GAB2: variants seen among roughly 807,000 people sequenced by gnomAD.
The protein encoded by GAB2 is GRB2 associated binding protein 2, also known as GRB2-associated-binding protein 2.
A neutral mutation model predicts 65.5 loss-of-function variants in GAB2; 26 were observed. That is an observed-to-expected ratio of 0.40 (90% CI 0.29 to 0.55). The LOEUF is 0.55. GAB2 is among the 20% of genes least tolerant of loss of function. GAB2 has a pLI of 0.53. For synonymous variants in GAB2, 321 were observed against 329.6 expected (o/e 0.97, Z 0.28); for missense variants, 884 against 875.8 (o/e 1.01, Z -0.12).
At chr11:78,385,264 A>G (rs1227876132) in intron 1 of GAB2, among the ~76,000 whole-genome samples, 2 of 152,248 alleles carry the variant, frequency 1.3e-5, no homozygotes, top group African/African-American at 2.4e-5. Flanking sequence ...AAACTTATGG[A>G]TCTTCACGGG....
chr11:78,326,625 A>C (rs1185004517), intron 1 of GAB2, among the ~76,000 whole-genome samples: 1 of 152,148 alleles, frequency 6.6e-6, no homozygotes. Context: ...GCTTCCATGA[A>C]TTTGTGTGTG....
At chr11:78,278,747 G>A (rs949046460) in intron 2 of GAB2, among the ~76,000 whole-genome samples, 2 of 150,970 alleles carry the variant, frequency 1.3e-5, no homozygotes, top group Non-Finnish European at 2.9e-5. Flanking sequence ...AGGACACAGG[G>A]TCTCGTTCTG....
At chr11:78,310,230 C>T (rs985238034) in intron 1 of GAB2, among the ~76,000 whole-genome samples, 1 of 151,486 alleles carries the variant, frequency 6.6e-6, no homozygotes, top group Non-Finnish European at 1.5e-5. Context: ...GAGCCGGGTG[C>T]GGTGGCTCAC....
intron 2 of GAB2, among the ~76,000 whole-genome samples, chr11:78,258,310 G>C (rs552789971): frequency 6.6e-6 from 1 of 152,278 alleles, no homozygotes; most frequent in East Asian, 1.9e-4. Flanking sequence ...CTGAAGAAAA[G>C]GCAAAGCAGG....
chr11:78,309,466 T>C lies in GAB2; in HGVS notation c.76-28565A>G, dbSNP rs1225106024. Among the ~76,000 whole-genome samples the C allele has an allele frequency of 4.0e-4, 4 of 10,094 alleles. No individual in the cohort carries two copies. In the South Asian group the frequency reaches 9.7e-3, roughly 24 times the overall value. The allele number at this position is 10,094 out of a possible 152,430, so 6.6% of individuals were successfully genotyped here. ...TGTGGTTAAACCCTGCCCCCTGCCT[T>C]TTTTTTTTTTTTTTTTAAATTGAGA... is the stretch of plus-strand genomic sequence containing the variant. On this transcript the variant is annotated intron_variant, in intron 1 of 9. Transcript: ENST00000361507.
At chr11:78,272,816 G>A (rs541973115) in intron 2 of GAB2, among the ~76,000 whole-genome samples, 2 of 152,282 alleles carry the variant, frequency 1.3e-5, no homozygotes, top group East Asian at 3.9e-4. Context: ...GGCCTAGGAG[G>A]AAAAAATGGT....
chr11:78,283,424 ATC>A (rs1866382542), intron 1 of GAB2, among the ~76,000 whole-genome samples: 1 of 152,196 alleles, frequency 6.6e-6, no homozygotes, highest in Admixed American at 6.5e-5. Context: ...AACGTTTCCT[ATC>A]TCAGAAGAAA....
chr11:78,417,631 C>T lies in GAB2; in HGVS notation c.75+15G>A. The T allele has an allele frequency of 1.5e-6, 2 of 1,336,354 alleles. No individual in the cohort carries two copies. Among genetic ancestry groups the T allele is most frequent in the South Asian group, 1.4e-5 (1 of 70,530 alleles). The allele number at this position is 1,336,354 out of a possible 1,614,324, so 82.8% of individuals were successfully genotyped here. A position where few individuals can be genotyped will look rare whatever the true frequency, so the allele number is the denominator to read the frequency against. On this transcript the variant is annotated intron_variant, in intron 1 of 9. Coordinates refer to ENST00000361507, the MANE Select transcript of GAB2 (RefSeq NM_080491.3). Reference sequence around the variant, plus strand: ...CGCCCCCCGCCCGCCCCTGGGCGGCCGCGCCCGCACTCACATAGCGCCTCA... The same window carrying T: ...CGCCCCCCGCCCGCCCCTGGGCGGCTGCGCCCGCACTCACATAGCGCCTCA...
intron 1 of GAB2, among the ~76,000 whole-genome samples, chr11:78,402,133 C>T (rs117358966): frequency 1.3e-5 from 2 of 152,282 alleles, no homozygotes; most frequent in African/African-American, 2.4e-5. Context: ...CTATTCCAAT[C>T]ATCCTGCTGA....
chr11:78,318,369 C>CAAAAAAAAAAAAAAAAAAAAAG (rs11272998), intron 1 of GAB2: 3 of 47,656 alleles, frequency 6.3e-5, no homozygotes, highest in Admixed American at 2.1e-4. Flanking sequence ...TGTTAAATGC[C>CAAAAAAAAAAAAAAAAAAAAAG]AAAAAAAAAA....
intron 1 of GAB2, among the ~76,000 whole-genome samples, chr11:78,286,546 G>A (rs2134596456): frequency 6.6e-6 from 1 of 152,208 alleles, no homozygotes; most frequent in Middle Eastern, 3.4e-3. Context: ...ACATGGCAGA[G>A]TGCTTAACAC....
chr11:78,313,067 A>G (rs911660624), intron 1 of GAB2, among the ~76,000 whole-genome samples: 1 of 152,182 alleles, frequency 6.6e-6, no homozygotes, highest in African/African-American at 2.4e-5. Context: ...TTGTGTGATC[A>G]CCACATCTCA....
chr11:78,403,281 G>T (rs759883653), intron 1 of GAB2, among the ~76,000 whole-genome samples: 2 of 152,184 alleles, frequency 1.3e-5, no homozygotes, highest in African/African-American at 2.4e-5. Flanking sequence ...AGCTTAAAAA[G>T]AAAATTAATA....
chr11:78,377,101 C>A (rs1217924606), intron 1 of GAB2, among the ~76,000 whole-genome samples: 1 of 152,212 alleles, frequency 6.6e-6, no homozygotes, highest in African/African-American at 2.4e-5. Context: ...GAGCAGATGC[C>A]AGCAACATGC....
chr11:78,306,573 A>C (rs184717952), intron 1 of GAB2, among the ~76,000 whole-genome samples: 1 of 152,230 alleles, frequency 6.6e-6, no homozygotes, highest in Admixed American at 6.5e-5. Flanking sequence ...CATTCAGATC[A>C]TAAGTTTTCT....
rs1461654787 is a variant in GAB2, at chr11:78,280,900, G to T, written c.77C>A (p.Ala26Asp). The change falls in exon 2 of 10, where the codon GCC becomes GAC. Residue 26 changes from alanine (A) to aspartate (D), a missense_variant and splice_region_variant. Coordinates refer to ENST00000361507, the MANE Select transcript of GAB2 (RefSeq NM_080491.3). ...SPPEKKLRRY[A>D]WKKRWFILRS... is the part of the protein sequence containing the mutation. ...CAGGATAAACCAGCGTTTCTTCCAG[G>T]CCTAAATCATATCAGGAAGGAGTAA... The T allele has an allele frequency of 6.2e-7, 1 of 1,611,964 alleles. No homozygotes were observed. Among genetic ancestry groups the T allele is most frequent in the Non-Finnish European group, 8.5e-7 (1 of 1,178,256 alleles).
chr11:78,373,081 C>T (rs904592420), intron 1 of GAB2, among the ~76,000 whole-genome samples: 2 of 151,942 alleles, frequency 1.3e-5, no homozygotes, highest in Non-Finnish European at 2.9e-5. Flanking sequence ...TACACTGAGT[C>T]GGTGAGAAAC....
At chr11:78,371,252 T>G (rs1167784022) in intron 1 of GAB2, among the ~76,000 whole-genome samples, 1 of 152,214 alleles carries the variant, frequency 6.6e-6, no homozygotes, top group Admixed American at 6.5e-5. Flanking sequence ...AGGAAAAACC[T>G]ATACTTAGTC....
At chr11:78,266,214 C>CAAA (rs11445907) in intron 2 of GAB2, among the ~76,000 whole-genome samples, 40,346 of 64,896 alleles carry the variant, frequency 0.62, 15,419 homozygotes, top group Non-Finnish European at 0.77. Context: ...GACTCCATCT[C>CAAA]AAAAAAAAAA....
Sources: gnomAD v4.1 joint callset for allele counts (sites outside exome capture counted in the v4.1 genomes callset) on GRCh38, gnomAD v4.1.1 for gene constraint, MANE v1.5 for transcripts, NCBI Gene and HGNC (gene_info 2026-07-23, HGNC 2026-07-21) for gene names.